The following CTNNA3 variants were observed in gnomAD, a reference collection of about 807,000 sequenced individuals.
CTNNA3 encodes catenin alpha-3.
A neutral mutation model predicts 95.7 loss-of-function variants in CTNNA3; 76 were observed. That is an observed-to-expected ratio of 0.79 (90% CI 0.66 to 0.96). The LOEUF is 0.96. Among genes scored for constraint, CTNNA3 ranks in the 40% least tolerant of loss-of-function variants. The pLI is 0.00. For synonymous variants in CTNNA3, 431 were observed against 374.4 expected (o/e 1.15, Z -1.74); for missense variants, 1,191 against 1,089.8 (o/e 1.09, Z -1.31).
chr10:66,784,450 C>A (rs912944573), intron 7 of CTNNA3, among the ~76,000 whole-genome samples: 2 of 152,090 alleles, frequency 1.3e-5, no homozygotes, highest in African/African-American at 4.8e-5. Flanking sequence ...TAAACAGGAT[C>A]TAACTTATAT....
At chr10:67,741,291 C>T (rs1255009954) in intron 1 of CTNNA3, among the ~76,000 whole-genome samples, 3 of 141,064 alleles carry the variant, frequency 2.1e-5, no homozygotes, top group Non-Finnish European at 3.1e-5. Flanking sequence ...CACATGTACC[C>T]TAAAACTTAA....
intron 3 of CTNNA3, among the ~76,000 whole-genome samples, chr10:67,560,265 C>T (rs979729272): frequency 9.3e-5 from 14 of 151,344 alleles, no homozygotes; most frequent in African/African-American, 3.4e-4. Context: ...CAAAGGGAAG[C>T]CCAGCAGACT....
intron 10 of CTNNA3, among the ~76,000 whole-genome samples, chr10:66,596,504 T>C (rs532293282): frequency 6.6e-6 from 1 of 152,282 alleles, no homozygotes; most frequent in Admixed American, 6.5e-5. Flanking sequence ...CAGGACACTG[T>C]CTTAAGGAAA....
At chr10:66,843,881 A>C (rs1415129506) in intron 7 of CTNNA3, among the ~76,000 whole-genome samples, 1 of 152,226 alleles carries the variant, frequency 6.6e-6, no homozygotes, top group Non-Finnish European at 1.5e-5. Context: ...AACAGAACCT[A>C]AAATATTCTA....
chr10:67,585,206 T>C, intron 3 of CTNNA3, among the ~76,000 whole-genome samples: 1 of 152,134 alleles, frequency 6.6e-6, no homozygotes, highest in Non-Finnish European at 1.5e-5. Flanking sequence ...CTTAATCCAG[T>C]GTAATATATT....
chr10:66,839,883 A>C (rs1842989212), intron 7 of CTNNA3, among the ~76,000 whole-genome samples: 1 of 149,490 alleles, frequency 6.7e-6, no homozygotes, highest in Admixed American at 6.7e-5. Context: ...ACTTTTGATG[A>C]TATCAGCTCT....
chr10:67,238,407 T>C (rs1865585398), intron 5 of CTNNA3, among the ~76,000 whole-genome samples: 1 of 151,638 alleles, frequency 6.6e-6, no homozygotes, highest in African/African-American at 2.4e-5. Context: ...TATATATTTA[T>C]ATTAGCAAGA....
chr10:66,947,906 G>A (rs956416340), intron 7 of CTNNA3, among the ~76,000 whole-genome samples: 10 of 152,144 alleles, frequency 6.6e-5, no homozygotes, highest in African/African-American at 1.7e-4. Flanking sequence ...ATCACAGAGT[G>A]TACTTACATA....
intron 7 of CTNNA3, among the ~76,000 whole-genome samples, chr10:67,064,410 C>G (rs1388416570): frequency 6.6e-6 from 1 of 152,012 alleles, no homozygotes; most frequent in East Asian, 1.9e-4. Flanking sequence ...TTACCAAAAT[C>G]TATAGAATTT....
chr10:67,449,870 C>T (rs1456671604), intron 5 of CTNNA3, among the ~76,000 whole-genome samples: 1 of 151,786 alleles, frequency 6.6e-6, no homozygotes, highest in Non-Finnish European at 1.5e-5. Context: ...AACAGACAAC[C>T]TAAATAGTAG....
intron 11 of CTNNA3, among the ~76,000 whole-genome samples, chr10:66,461,184 C>T (rs1589282681): frequency 6.6e-6 from 1 of 151,888 alleles, no homozygotes; most frequent in South Asian, 2.1e-4. Flanking sequence ...TGCGCATTTC[C>T]CCAGGAATCA....
At chr10:66,436,950 T>C (rs1474965050) in intron 11 of CTNNA3, among the ~76,000 whole-genome samples, 1 of 152,126 alleles carries the variant, frequency 6.6e-6, no homozygotes, top group Non-Finnish European at 1.5e-5. Flanking sequence ...CTTATGAAGC[T>C]TAGTTTGGCT....
At chr10:67,269,546 A>G (rs1838869535) in intron 5 of CTNNA3, among the ~76,000 whole-genome samples, 1 of 152,182 alleles carries the variant, frequency 6.6e-6, no homozygotes, top group African/African-American at 2.4e-5. Context: ...ATTAATCAGA[A>G]TAGCTCCTGT....
At chr10:66,803,637 C>T (rs772818732) in intron 7 of CTNNA3, among the ~76,000 whole-genome samples, 1 of 152,000 alleles carries the variant, frequency 6.6e-6, no homozygotes, top group Non-Finnish European at 1.5e-5. Flanking sequence ...GAGACAAGCA[C>T]CTTGCATAAA....
chr10:67,455,134 C>A (rs1847124738), intron 5 of CTNNA3, among the ~76,000 whole-genome samples: 1 of 152,116 alleles, frequency 6.6e-6, no homozygotes, highest in Non-Finnish European at 1.5e-5. Context: ...TTCTATTATA[C>A]TGCATGGCAT....
intron 7 of CTNNA3, among the ~76,000 whole-genome samples, chr10:66,853,855 C>T (rs1451242310): frequency 6.6e-6 from 1 of 152,066 alleles, no homozygotes; most frequent in African/African-American, 2.4e-5. Flanking sequence ...AAGTATGCTA[C>T]ATGCATTAGT....
intron 15 of CTNNA3, among the ~76,000 whole-genome samples, chr10:66,065,238 T>G (rs2080289637): frequency 6.8e-6 from 1 of 147,626 alleles, no homozygotes; most frequent in Admixed American, 6.7e-5. Context: ...TGGTTTTTTT[T>G]TGTTTTGTTT....
intron 13 of CTNNA3, among the ~76,000 whole-genome samples, chr10:66,224,232 T>G (rs1462828): frequency 0.69 from 105,036 of 151,766 alleles, 36,471 homozygotes; most frequent in South Asian, 0.78. Context: ...CCAATTTCTC[T>G]TAATAAATCT....
Position 65,915,817 on chromosome 10 carries a change from A to T in CTNNA3, c.*4513T>A, listed in dbSNP as rs140704782. ...AGACTAGTGTTTTAAACTATTCTTT[A>T]TTTTGCTTTAATAGAATATATGTTT... On this transcript the variant is annotated 3_prime_UTR_variant, in exon 18 of 18. Coordinates refer to ENST00000433211, the MANE Select transcript of CTNNA3 (RefSeq NM_013266.4). The T allele has an allele frequency of 6.6e-6, 1 of 152,250 alleles. No homozygotes were observed. Among genetic ancestry groups the T allele is most frequent in the East Asian group, 1.9e-4 (1 of 5,186 alleles). The allele number at this position is 152,250 out of a possible 1,614,324, so 9.4% of individuals were successfully genotyped here. A position where few individuals can be genotyped will look rare whatever the true frequency, so the allele number is the denominator to read the frequency against.
Sources: allele counts gnomAD v4.1 joint callset (sites outside exome capture counted in the v4.1 genomes callset), GRCh38; gene constraint gnomAD v4.1.1; transcripts MANE v1.5; gene names NCBI Gene and HGNC (gene_info 2026-07-23, HGNC 2026-07-21).